PCDHGB3: variants seen among roughly 807,000 people sequenced by gnomAD.
PCDHGB3 encodes the protein protocadherin gamma subfamily B, 3.
In PCDHGB3, 40 loss-of-function variants were observed where a neutral mutation model predicts 59.2. That is an observed-to-expected ratio of 0.68 (90% confidence interval 0.52 to 0.88). PCDHGB3 has a LOEUF of 0.88. Ranked by LOEUF, PCDHGB3 falls within the 40% of genes least tolerant of loss-of-function variation. The probability of loss-of-function intolerance (pLI) is 0.00; values close to 1 mark genes in which losing one functional copy is unlikely to be tolerated. For missense variants in PCDHGB3, 1,309 were observed against 1,187.9 expected, an observed-to-expected ratio of 1.10 and a Z score of -1.50; for synonymous variants, 581 against 503.6, an observed-to-expected ratio of 1.15 and a Z score of -2.06.
At chr5:141,383,492 G>A (rs1012277194) in intron 1 of PCDHGB3, 4 of 1,613,060 alleles carry the variant, frequency 2.5e-6, no homozygotes, top group African/African-American at 2.7e-5. Context: ...GTGCTGGAGC[G>A]GGTGCTGGAC....
At position 141,432,232 on chromosome 5, in the gene PCDHGB3, G is replaced by A. The variant is rs766929605; in HGVS notation, c.2415+59423G>A. Reference sequence around the variant, plus strand: ...AGAACGCCCAGATCACTTATTCCCTGGCTGAGAACACCATCCAAGGGGCAA... The same window carrying A: ...AGAACGCCCAGATCACTTATTCCCTAGCTGAGAACACCATCCAAGGGGCAA... On this transcript the variant is annotated intron_variant, in intron 1 of 3. Coordinates refer to ENST00000576222, the MANE Select transcript of PCDHGB3 (RefSeq NM_018924.5). The surrounding 1 kb of genome is among the most constrained non-coding windows in gnomAD (Gnocchi z 6.0). The A allele has an allele frequency of 6.2e-7, 1 of 1,614,188 alleles. No homozygotes were observed. The highest frequency in any genetic ancestry group is 1.6e-4 in the Middle Eastern group (1 of 6,062).
chr5:141,488,846 C>T (rs1359759383), intron 1 of PCDHGB3, among the ~76,000 whole-genome samples: 1 of 152,174 alleles, frequency 6.6e-6, no homozygotes, highest in African/African-American at 2.4e-5. Flanking sequence ...GCTGAATCAA[C>T]CTGCAGCACG....
chr5:141,424,750 A>T (rs2096838482), intron 1 of PCDHGB3: 1 of 152,114 alleles, frequency 6.6e-6, no homozygotes, highest in Admixed American at 6.5e-5. Context: ...CTTTCTTTAT[A>T]AGGTCATTCT....
Position 141,489,245 on chromosome 5 carries a change from G to A in PCDHGB3, c.2416-5562G>A, listed in dbSNP as rs773391205. 3 of 1,536,634 alleles carry A rather than the reference G, an allele frequency of 2.0e-6. No homozygotes were observed. The South Asian group carries it at 3.9e-5, about 20-fold the overall frequency. On this transcript the variant is annotated intron_variant, in intron 1 of 3. Transcript: ENST00000576222. The surrounding 1 kb of genome is among the most constrained non-coding windows in gnomAD (Gnocchi z 4.5). The stretch of plus-strand genomic sequence containing the variant: ...CCACAAAGGGACTTCTGGGTCATGG[G>A]GCCCAAGACACTCCCACAGCTCGCT...
In PCDHGB3 at chr5:141,434,915, T is replaced by A. The variant is rs1301814716; in HGVS notation, c.2416-59892T>A. Among the ~76,000 whole-genome samples, 3 of 151,830 alleles carry A rather than the reference T, an allele frequency of 2.0e-5. No homozygotes were observed. The East Asian group carries it at 5.8e-4, about 29-fold the overall frequency. ...GTCCCCTTCCCTCATACCTTATTTATGTACATATATTTTATATAATAGATA... is the reference window on the plus strand; with the variant it reads ...GTCCCCTTCCCTCATACCTTATTTAAGTACATATATTTTATATAATAGATA... On this transcript the variant is annotated intron_variant, in intron 1 of 3. Transcript: ENST00000576222.
Position 141,493,685 on chromosome 5 carries a change from G to A in PCDHGB3, c.2416-1122G>A, listed in dbSNP as rs139973755. ...CCATGGCAGCCCCAGAATGGTGCTG[G>A]TGACTCCCGATACACCTGGAATGCT... On this transcript the variant is annotated intron_variant, in intron 1 of 3. Transcript: ENST00000576222. The surrounding 1 kb of genome is among the most constrained non-coding windows in gnomAD (Gnocchi z 4.3). 1.1e-3 allele frequency among the ~76,000 whole-genome samples: 165 copies of A among 152,282 alleles called. 3 individuals carry two copies. The highest frequency in any genetic ancestry group is 8.2e-3 in the Admixed American group (125 of 15,298).
At chr5:141,438,610 A>G (rs2098013566) in intron 1 of PCDHGB3, among the ~76,000 whole-genome samples, 1 of 30,060 alleles carries the variant, frequency 3.3e-5, no homozygotes, top group African/African-American at 2.4e-4. Flanking sequence ...ATATATATAT[A>G]TATATATATA....
intron 1 of PCDHGB3, chr5:141,409,410 A>G (rs1465791228): frequency 6.2e-7 from 1 of 1,614,036 alleles, no homozygotes; most frequent in African/African-American, 1.3e-5. Flanking sequence ...AACTACTACA[A>G]ACTGGTGACA....
rs778198822 is a variant in PCDHGB3 at position 141,432,802 on chromosome 5, A to G, written c.2415+59993A>G. 29 of 1,613,964 alleles carry G rather than the reference A, an allele frequency of 1.8e-5. No individual in the cohort carries two copies. The African/African-American group carries it at 3.6e-4, about 20-fold the overall frequency. On this transcript the variant is annotated intron_variant, in intron 1 of 3. Coordinates refer to ENST00000576222, the MANE Select transcript of PCDHGB3 (RefSeq NM_018924.5). This position sits in a 1 kb window ranked among gnomAD's most constrained non-coding sequence, Gnocchi z 6.0. ...CGGACCTCGGCAGCCTCGAGTCTCC[A>G]GCTAACTCTGAAACCTCAGACCTCA...
rs566049956 is a variant in PCDHGB3 at position 141,511,685 on chromosome 5, G to A, written c.*512G>A. 1.0e-5 allele frequency: 2 copies of A among 198,374 alleles called. No individual in the cohort carries two copies. Among genetic ancestry groups the A allele is most frequent in the Non-Finnish European group, 2.1e-5 (2 of 94,428 alleles). The allele number at this position is 198,374 out of a possible 1,614,324, so 12.3% of individuals were successfully genotyped here. On this transcript the variant is annotated 3_prime_UTR_variant, in exon 4 of 4. Coordinates refer to ENST00000576222, the MANE Select transcript of PCDHGB3 (RefSeq NM_018924.5). ...GATTCTCAATCTTCCCCCAAAGCAT[G>A]GTTTGGTGCCAGCCCCTTCACCTCC...
intron 1 of PCDHGB3, among the ~76,000 whole-genome samples, chr5:141,436,613 A>C (rs1334315821): frequency 1.3e-5 from 2 of 152,206 alleles, no homozygotes; most frequent in Non-Finnish European, 2.9e-5. Flanking sequence ...AGGGCTAACA[A>C]AAATCTGATT....
At chr5:141,499,423 GA>G (rs1229901490) in intron 2 of PCDHGB3, among the ~76,000 whole-genome samples, 3 of 151,756 alleles carry the variant, frequency 2.0e-5, no homozygotes, top group Non-Finnish European at 2.9e-5. Flanking sequence ...ATGAAAAATA[GA>G]AAAAAAATTA....
At chr5:141,375,611 G>T in intron 1 of PCDHGB3, 1 of 1,614,178 alleles carries the variant, frequency 6.2e-7, no homozygotes, top group Non-Finnish European at 8.5e-7. Flanking sequence ...CATCAACTCC[G>T]ACACTGGGAT....
Position 141,432,057 on chromosome 5 carries a change from C to G in PCDHGB3, c.2415+59248C>G. On this transcript the variant is annotated intron_variant, in intron 1 of 3. Coordinates refer to ENST00000576222, the MANE Select transcript of PCDHGB3 (RefSeq NM_018924.5). This position sits in a 1 kb window ranked among gnomAD's most constrained non-coding sequence, Gnocchi z 6.0. The stretch of plus-strand genomic sequence containing the variant: ...ACTGACCGGGGAACCCCGCCCCTAT[C>G]CACGGAAACTCATATCTCGCTGAAC... 1 of 1,614,220 alleles carries G rather than the reference C, an allele frequency of 6.2e-7. No homozygotes were observed. The highest frequency in any genetic ancestry group is 8.5e-7 in the Non-Finnish European group (1 of 1,180,042).
intron 1 of PCDHGB3, chr5:141,382,749 G>A: frequency 1.6e-6 from 1 of 612,214 alleles, no homozygotes; most frequent in Non-Finnish European, 2.8e-6. Flanking sequence ...GACAGATTGC[G>A]ATAAGCCCTC....
At chr5:141,455,394 C>T (rs1034564159) in intron 1 of PCDHGB3, among the ~76,000 whole-genome samples, 2 of 152,004 alleles carry the variant, frequency 1.3e-5, no homozygotes, top group African/African-American at 4.8e-5. Context: ...AAGGAGCTCC[C>T]CCTTACAGAG....
intron 1 of PCDHGB3, among the ~76,000 whole-genome samples, chr5:141,484,160 T>C (rs1451052819): frequency 2.6e-5 from 4 of 152,210 alleles, no homozygotes; most frequent in African/African-American, 7.2e-5. Flanking sequence ...CACAATGCTG[T>C]TGGTAGCTGA....
At chr5:141,388,085 C>G in intron 1 of PCDHGB3, 1 of 1,363,472 alleles carries the variant, frequency 7.3e-7, no homozygotes, top group Non-Finnish European at 1.0e-6. Context: ...GAAAACTGCG[C>G]GTCAGTTCGG....
At chr5:141,430,716 G>T (rs1327065498) in intron 1 of PCDHGB3, 2 of 1,487,962 alleles carry the variant, frequency 1.3e-6, no homozygotes, top group African/African-American at 2.8e-5. Context: ...CCTGACTTCA[G>T]TGGTTAAGGG....
Sources: allele counts gnomAD v4.1 joint callset (sites outside exome capture counted in the v4.1 genomes callset), GRCh38; gene constraint gnomAD v4.1.1; non-coding constraint Gnocchi (gnomAD v3.1); transcripts MANE v1.5; gene names NCBI Gene and HGNC (gene_info 2026-07-23, HGNC 2026-07-21).